Variants in SLC37A1 observed in about 807,000 individuals in gnomAD.
SLC37A1 encodes the protein glucose-6-phosphate exchanger SLC37A1.
A neutral mutation model predicts 75.3 loss-of-function variants in SLC37A1; 49 were observed. The observed-to-expected ratio is 0.65, with a 90% CI of 0.52 to 0.83. The LOEUF (loss-of-function observed/expected upper bound fraction) is 0.83. SLC37A1 is among the 40% of genes least tolerant of loss of function. The probability of loss-of-function intolerance (pLI) is 0.00; values close to 1 mark genes in which losing one functional copy is unlikely to be tolerated. For missense variants in SLC37A1, 566 were observed against 695.0 expected, an observed-to-expected ratio of 0.81 and a Z score of 2.09; for synonymous variants, 268 against 292.1, an observed-to-expected ratio of 0.92 and a Z score of 0.84.
At chr21:42,530,655 C>CACACACACACACACA (rs1491531929) in intron 3 of SLC37A1, among the ~76,000 whole-genome samples, 18 of 25,848 alleles carry the variant, frequency 7.0e-4, no homozygotes, top group Non-Finnish European at 1.0e-3. Context: ...CACACACACA[C>CACACACACACACACA]CCCCTCTGTG....
chr21:42,517,017 A>G (rs977384836), intron 1 of SLC37A1, among the ~76,000 whole-genome samples: 3 of 152,140 alleles, frequency 2.0e-5, no homozygotes, highest in Admixed American at 6.5e-5. Flanking sequence ...ATTCAACGTG[A>G]GTTTCTTGAG....
At chr21:42,510,490 A>C (rs2054423143), upstream of SLC37A1, among the ~76,000 whole-genome samples, 1 of 150,698 alleles carries the variant, frequency 6.6e-6, no homozygotes, top group African/African-American at 2.5e-5. Flanking sequence ...ACAAACCGCC[A>C]GAAAGCAATT....
chr21:42,515,241 C>T (rs1301083152), intron 1 of SLC37A1, among the ~76,000 whole-genome samples: 1 of 151,846 alleles, frequency 6.6e-6, no homozygotes, highest in African/African-American at 2.4e-5. Flanking sequence ...ATAGAAAGAG[C>T]ACACTCTGGA....
Position 42,514,030 on chromosome 21 carries a change from C to A in SLC37A1, c.-866C>A, listed in dbSNP as rs1355506067. The A allele has an allele frequency of 6.7e-6, 1 of 148,626 alleles. No individual in the cohort carries two copies. Among genetic ancestry groups the A allele is most frequent in the African/African-American group, 2.5e-5 (1 of 40,628 alleles). The allele number at this position is 148,626 out of a possible 1,614,324, so 9.2% of individuals were successfully genotyped here. A position where few individuals can be genotyped will look rare whatever the true frequency, so the allele number is the denominator to read the frequency against. ...AGGCGCCGCAGCCGCTCAGCACCTG[C>A]GGCGCCCTCAGGGAGCCGGGCGCGG... On this transcript the variant is annotated 5_prime_UTR_variant, in exon 1 of 20. Transcript: ENST00000352133. This position sits in a 1 kb window ranked among gnomAD's most constrained non-coding sequence, Gnocchi z 4.8.
intron 3 of SLC37A1, among the ~76,000 whole-genome samples, chr21:42,530,019 T>C (rs930104436): frequency 2.0e-5 from 3 of 152,050 alleles, no homozygotes; most frequent in Non-Finnish European, 4.4e-5. Flanking sequence ...ATGGCAGCTT[T>C]GTAGTGACCA....
chr21:42,574,170 C>T (rs949801025), intron 17 of SLC37A1, among the ~76,000 whole-genome samples: 6 of 152,202 alleles, frequency 3.9e-5, no homozygotes, highest in Admixed American at 1.3e-4. Flanking sequence ...CATGACAGAC[C>T]ACAGTGCATG....
chr21:42,516,207 G>T (rs571376161), intron 1 of SLC37A1, among the ~76,000 whole-genome samples: 2 of 152,334 alleles, frequency 1.3e-5, no homozygotes, highest in African/African-American at 4.8e-5. Context: ...CCAAAAACTG[G>T]GTTTAAACCA....
intron 7 of SLC37A1, 151 bp from the exon 8 acceptor site, chr21:42,543,285 G>A (rs994702068): frequency 1.4e-5 from 12 of 866,064 alleles, no homozygotes; most frequent in South Asian, 5.7e-5. Flanking sequence ...TGAGCATCGC[G>A]AGTCCTGCAT....
intron 3 of SLC37A1, among the ~76,000 whole-genome samples, chr21:42,534,072 C>T (rs1468910436): frequency 1.3e-5 from 2 of 152,194 alleles, no homozygotes; most frequent in Non-Finnish European, 2.9e-5. Flanking sequence ...GGGATGGACC[C>T]TTTCTGGCTC....
upstream of SLC37A1, among the ~76,000 whole-genome samples, chr21:42,513,357 G>A (rs751407646): frequency 5.3e-5 from 8 of 152,248 alleles, no homozygotes; most frequent in Non-Finnish European, 1.2e-4. Flanking sequence ...GTTCGACATA[G>A]CCAAATCCGC....
At chr21:42,542,335 G>A in intron 6 of SLC37A1, 69 bp from the exon 7 acceptor site, 1 of 1,416,206 alleles carries the variant, frequency 7.1e-7, no homozygotes, top group Admixed American at 2.0e-5. Context: ...CAAGCTCTGT[G>A]CACCTCCCTG....
At chr21:42,500,633 G>GT (rs1012481900) in intron 1 of SLC37A1, among the ~76,000 whole-genome samples, 7 of 152,076 alleles carry the variant, frequency 4.6e-5, no homozygotes, top group African/African-American at 1.7e-4. Context: ...TTTCAGTCGT[G>GT]TTTTTTTCTT....
intron 1 of SLC37A1, among the ~76,000 whole-genome samples, chr21:42,501,122 C>A (rs1233557324): frequency 6.6e-6 from 1 of 152,180 alleles, no homozygotes; most frequent in Non-Finnish European, 1.5e-5. Context: ...GTGCTTGGCA[C>A]ATAGTAAGTG....
At chr21:42,579,987 C>A (rs969784677) in intron 19 of SLC37A1, among the ~76,000 whole-genome samples, 187 bp downstream of exon 19, 49 of 152,184 alleles carry the variant, frequency 3.2e-4, no homozygotes, top group Admixed American at 1.2e-3. Flanking sequence ...TAGTGGTAAT[C>A]TCTCCTCAAA....
At chr21:42,578,950 A>G (rs1185647570) in intron 18 of SLC37A1, among the ~76,000 whole-genome samples, 1 of 152,170 alleles carries the variant, frequency 6.6e-6, no homozygotes, top group Non-Finnish European at 1.5e-5. Flanking sequence ...CCTGGGTCTG[A>G]GGGCATCTGC....
chr21:42,506,590 G>A lies in SLC37A1; in HGVS notation c.-179+4173G>A, dbSNP rs567402151. On this transcript the variant is annotated intron_variant, in intron 2 of 20. Transcript: ENST00000398341. Reference sequence around the variant, plus strand: ...AAGGATTCACTGATGAATAAAACCGGTTAAAAAATCTCTGCTTTCATGGTG... The same window carrying A: ...AAGGATTCACTGATGAATAAAACCGATTAAAAAATCTCTGCTTTCATGGTG... Among the ~76,000 whole-genome samples, 10 of 152,240 alleles carry A rather than the reference G, an allele frequency of 6.6e-5. 1 individual carries two copies. In the South Asian group the frequency reaches 1.9e-3, roughly 28 times the overall value.
At chr21:42,543,409 T>G in intron 7 of SLC37A1, 27 bp from the exon 8 acceptor site, 1 of 1,614,080 alleles carries the variant, frequency 6.2e-7, no homozygotes, top group Non-Finnish European at 8.5e-7. Context: ...AGCTCCATCT[T>G]CTGTCTTCTG....
chr21:42,533,722 G>A (rs563187246), intron 3 of SLC37A1, among the ~76,000 whole-genome samples: 2 of 152,194 alleles, frequency 1.3e-5, no homozygotes, highest in East Asian at 3.9e-4. Context: ...TGTGCAAAAA[G>A]CCTGGTGTTC....
chr21:42,525,605 G>A (rs144900672), intron 2 of SLC37A1, among the ~76,000 whole-genome samples, 171 bp from the exon 3 acceptor site: 160 of 152,330 alleles, frequency 1.1e-3, no homozygotes, highest in African/African-American at 3.6e-3. Context: ...AAGCAAACGT[G>A]GCAATATTTT....
Sources: gnomAD v4.1 joint callset for allele counts (sites outside exome capture counted in the v4.1 genomes callset) on GRCh38, gnomAD v4.1.1 for gene constraint, Gnocchi (gnomAD v3.1) non-coding constraint, MANE v1.5 for transcripts, NCBI Gene and HGNC (gene_info 2026-07-23, HGNC 2026-07-21) for gene names.